Variants in ABCD3 observed in about 807,000 individuals in gnomAD.
ABCD3 encodes the protein ATP-binding cassette sub-family D member 3.
A neutral mutation model predicts 105.5 loss-of-function variants in ABCD3; 41 were observed. The observed-to-expected ratio is 0.39, with a 90% confidence interval of 0.30 to 0.50. ABCD3 has a LOEUF of 0.50. ABCD3 is among the 20% of genes least tolerant of loss of function. The pLI, the probability that ABCD3 is intolerant of heterozygous loss-of-function variation, is 0.84. For missense variants in ABCD3, 622 were observed against 806.3 expected (o/e 0.77, Z 2.77); for synonymous variants, 258 against 269.0 (o/e 0.96, Z 0.40).
intron 1 of ABCD3, among the ~76,000 whole-genome samples, chr1:94,426,958 C>T (rs754922745): frequency 2.0e-5 from 3 of 149,832 alleles, no homozygotes; most frequent in African/African-American, 4.9e-5. Context: ...CAATTAATTA[C>T]TATTCCTTCT....
At chr1:94,479,115 A>C (rs946627470) in intron 8 of ABCD3, among the ~76,000 whole-genome samples, 3 of 152,170 alleles carry the variant, frequency 2.0e-5, no homozygotes, top group Admixed American at 6.6e-5. Flanking sequence ...AAACACTGGA[A>C]AAGCAGGGTT....
rs1648055158 is a variant in ABCD3, at chr1:94,464,767, T to TA, written c.148-6dup. Reference sequence around the variant, plus strand: ...CTATCTTAAAAGGGCTTCTTTTTTTTAATGCAGAAAGAGGGGAAAAAGGAG... The same window carrying TA: ...CTATCTTAAAAGGGCTTCTTTTTTTTAAATGCAGAAAGAGGGGAAAAAGGAG... On this transcript the variant is annotated splice_polypyrimidine_tract_variant and splice_region_variant and intron_variant, in intron 2 of 22. Coordinates refer to ENST00000370214, the MANE Select transcript of ABCD3 (RefSeq NM_002858.4). The TA allele has an allele frequency of 6.2e-7, 1 of 1,609,678 alleles. No homozygotes were observed. The highest frequency in any genetic ancestry group is 1.3e-5 in the African/African-American group (1 of 74,826).
At chr1:94,387,496 C>T in the ABCD3 span, among the ~76,000 whole-genome samples, 9 of 152,178 alleles carry the variant, frequency 5.9e-5, no homozygotes, top group Non-Finnish European at 1.3e-4. Context: ...TACCCCTTCC[C>T]TTCTTGATGG....
chr1:94,419,728 G>A (rs1350412621), intron 1 of ABCD3, among the ~76,000 whole-genome samples: 1 of 152,022 alleles, frequency 6.6e-6, no homozygotes, highest in Non-Finnish European at 1.5e-5. Context: ...GTTCTTTCTA[G>A]CCGCCTTCTG....
chr1:94,416,040 A>G (rs1350839018), upstream of ABCD3, among the ~76,000 whole-genome samples: 2 of 152,334 alleles, frequency 1.3e-5, no homozygotes, highest in African/African-American at 4.8e-5. Flanking sequence ...CTTCTTGAAC[A>G]AGGGTAACTT....
intron 1 of ABCD3, chr1:94,419,305 A>C: frequency 1.0e-6 from 1 of 985,344 alleles, no homozygotes; most frequent in African/African-American, 1.7e-5. Context: ...TGTAGGTGAA[A>C]GATGAGAGTG....
rs1318360269 is a variant in ABCD3 at position 94,482,843 on chromosome 1, GC to G, written c.828-324del. On this transcript the variant is annotated intron_variant, in intron 9 of 22. Transcript: ENST00000370214. Reference sequence around the variant, plus strand: ...CTTGAAGTCTGCAATGTTGGTCCCAGCCCTGCCTTTCTGTACATCACAGCAA... The same window carrying G: ...CTTGAAGTCTGCAATGTTGGTCCCAGCCTGCCTTTCTGTACATCACAGCAA... The G allele has an allele frequency of 1.3e-5, 4 of 305,772 alleles. No individual in the cohort carries two copies. The East Asian group carries it at 2.9e-4, about 22-fold the overall frequency. The allele number at this position is 305,772 out of a possible 1,614,324, so 18.9% of individuals were successfully genotyped here. A position where few individuals can be genotyped will look rare whatever the true frequency, so the allele number is the denominator to read the frequency against.
chr1:94,483,304 C>T (rs1367575586), intron 10 of ABCD3, 65 bp downstream of exon 10: 13 of 1,223,480 alleles, frequency 1.1e-5, no homozygotes, highest in Non-Finnish European at 1.6e-5. Flanking sequence ...TTTGTTTTGC[C>T]TATGGCCGAC....
intron 1 of ABCD3, among the ~76,000 whole-genome samples, chr1:94,450,708 ACT>A (rs1169009073): frequency 6.6e-6 from 1 of 151,380 alleles, no homozygotes; most frequent in Non-Finnish European, 1.5e-5. Flanking sequence ...CCCACTCCAC[ACT>A]CTATATTTCT....
Position 94,517,616 on chromosome 1 carries a change from T to C in ABCD3, c.*487T>C, listed in dbSNP as rs1650979763. ...TAATGTATTATTTAAATGTTTAACA[T>C]CATTGCATAACAGCGTTTATTATAC... On this transcript the variant is annotated 3_prime_UTR_variant, in exon 23 of 23. Transcript: ENST00000370214. The C allele has an allele frequency of 5.8e-6, 1 of 173,512 alleles. No individual in the cohort carries two copies. The highest frequency in any genetic ancestry group is 1.2e-5 in the Non-Finnish European group (1 of 80,874). The allele number at this position is 173,512 out of a possible 1,614,324, so 10.7% of individuals were successfully genotyped here.
intron 1 of ABCD3, among the ~76,000 whole-genome samples, chr1:94,432,885 C>T (rs2100892012): frequency 6.7e-6 from 1 of 148,534 alleles, no homozygotes; most frequent in South Asian, 2.1e-4. Context: ...GACGGAGTCT[C>T]ACTCTGTTGC....
At chr1:94,405,912 T>A in the ABCD3 span, among the ~76,000 whole-genome samples, 4 of 150,430 alleles carry the variant, frequency 2.7e-5, no homozygotes, top group Non-Finnish European at 6.0e-5. Flanking sequence ...GTTTTTGGCA[T>A]GCCAAAGTTT....
intron 2 of ABCD3, among the ~76,000 whole-genome samples, chr1:94,461,009 T>C (rs1464610367): frequency 6.6e-6 from 1 of 152,156 alleles, no homozygotes; most frequent in African/African-American, 2.4e-5. Context: ...CATATACTTA[T>C]TTGCTGGTTG....
chr1:94,504,375 C>T (rs1191389955), intron 20 of ABCD3, among the ~76,000 whole-genome samples: 1 of 152,160 alleles, frequency 6.6e-6, no homozygotes, highest in Admixed American at 6.5e-5. Context: ...TCCTCAGCCC[C>T]ACAAAGTGCT....
intron 1 of ABCD3, among the ~76,000 whole-genome samples, chr1:94,433,288 G>A (rs1659761987): frequency 6.6e-6 from 1 of 151,944 alleles, no homozygotes. Flanking sequence ...CTGAGTAGCT[G>A]GGATTACAGG....
chr1:94,438,282 TCACACACACACACACACATACA>T (rs1222526539), intron 1 of ABCD3, among the ~76,000 whole-genome samples: 2 of 116,612 alleles, frequency 1.7e-5, no homozygotes, highest in South Asian at 5.7e-4. Flanking sequence ...CAAGACTCCA[TCACACACACACACACACATACA>T]CACACACACA....
rs4148061 is a variant in ABCD3, at chr1:94,518,496, T to TA, written c.*1385dup. 8,599 of 138,024 alleles carry TA rather than the reference T, an allele frequency of 0.062. 286 individuals carry two copies. Among genetic ancestry groups the TA allele is most frequent in the East Asian group, 0.12 (578 of 4,718 alleles). 8.5% of individuals were successfully genotyped at this position (138,024 alleles called of 1,614,324 possible). ...TTGTATACTTATTTTCTGTTCAGAT[T>TA]AAAAAAAAAAAAAAAAAACTCAGAT... On this transcript the variant is annotated 3_prime_UTR_variant, in exon 23 of 23. Coordinates refer to ENST00000370214, the MANE Select transcript of ABCD3 (RefSeq NM_002858.4).
chr1:94,418,777 G>A, intron 1 of ABCD3, 189 bp downstream of exon 1: 1 of 627,786 alleles, frequency 1.6e-6, no homozygotes, highest in South Asian at 2.0e-5. Context: ...GTCGGTCCCA[G>A]CTGGCCTGTC....
chr1:94,441,169 A>G (rs1403723778), intron 1 of ABCD3, among the ~76,000 whole-genome samples: 1 of 152,234 alleles, frequency 6.6e-6, no homozygotes, highest in Non-Finnish European at 1.5e-5. Context: ...CCACCATAAC[A>G]AAAGACAAAT....
Sources: gnomAD v4.1 joint callset for allele counts (sites outside exome capture counted in the v4.1 genomes callset) on GRCh38, gnomAD v4.1.1 for gene constraint, MANE v1.5 for transcripts, NCBI Gene and HGNC (gene_info 2026-07-23, HGNC 2026-07-21) for gene names.